The following IL1RAPL2 variants were observed in gnomAD, a reference collection of about 807,000 sequenced individuals.
IL1RAPL2 encodes the protein X-linked interleukin-1 receptor accessory protein-like 2.
In IL1RAPL2, 3 loss-of-function variants were observed where a neutral mutation model predicts 44.1. The observed-to-expected ratio is 0.07, with a 90% confidence interval of 0.03 to 0.18. The LOEUF (loss-of-function observed/expected upper bound fraction) is 0.18, where lower values mean the gene tolerates loss of function less well. IL1RAPL2 is among the 10% of genes least tolerant of loss of function. The pLI, the probability that IL1RAPL2 is intolerant of heterozygous loss-of-function variation, is 1.00. For missense variants in IL1RAPL2, 391 were observed against 496.4 expected, an observed-to-expected ratio of 0.79 and a Z score of 2.02; for synonymous variants, 181 against 178.8, an observed-to-expected ratio of 1.01 and a Z score of -0.10.
intron 2 of IL1RAPL2, among the ~76,000 whole-genome samples, chrX:104,918,163 C>T (rs369746854): frequency 8.9e-6 from 1 of 112,159 alleles, no homozygotes; most frequent in East Asian, 2.8e-4. Flanking sequence ...CTAACACATG[C>T]TAACTCTGTC....
intron 1 of IL1RAPL2, among the ~76,000 whole-genome samples, chrX:104,575,325 C>CA (rs1486673053): frequency 9.0e-6 from 1 of 111,055 alleles, no homozygotes; most frequent in Non-Finnish European, 1.9e-5. Flanking sequence ...TATATTAGCT[C>CA]AAAAATATAA....
At chrX:105,499,595 A>G (rs1368618981) in intron 6 of IL1RAPL2, among the ~76,000 whole-genome samples, 1 of 112,375 alleles carries the variant, frequency 8.9e-6, no homozygotes, top group African/African-American at 3.2e-5. Context: ...CTTTGCATAG[A>G]CATTTCTCAA....
At chrX:104,637,269 G>T (rs182580086) in intron 1 of IL1RAPL2, among the ~76,000 whole-genome samples, 44 of 110,795 alleles carry the variant, frequency 4.0e-4, no homozygotes, top group African/African-American at 1.3e-3. Context: ...CAGAAAAGAG[G>T]GACTATTTGA....
At chrX:105,387,906 T>A (rs1307645953) in intron 5 of IL1RAPL2, among the ~76,000 whole-genome samples, 1 of 107,959 alleles carries the variant, frequency 9.3e-6, no homozygotes, top group Non-Finnish European at 1.9e-5. Flanking sequence ...CCCAGCACTT[T>A]GGGAGACCGA....
At chrX:104,868,082 A>G (rs887631996) in intron 2 of IL1RAPL2, among the ~76,000 whole-genome samples, 3 of 111,553 alleles carry the variant, frequency 2.7e-5, no homozygotes. Flanking sequence ...GAAAATAGAC[A>G]AGCTCAGAGG....
At chrX:104,831,457 A>G (rs988281695) in intron 2 of IL1RAPL2, among the ~76,000 whole-genome samples, 1 of 111,707 alleles carries the variant, frequency 9.0e-6, no homozygotes, top group African/African-American at 3.2e-5. Context: ...TTACAGATAA[A>G]GAAACTAAAG....
intron 5 of IL1RAPL2, among the ~76,000 whole-genome samples, chrX:105,268,174 A>T (rs760971454): frequency 1.7e-4 from 19 of 111,721 alleles, no homozygotes; most frequent in Non-Finnish European, 3.6e-4. Context: ...TACCAAAAAG[A>T]TATCCCTTAC....
intron 2 of IL1RAPL2, among the ~76,000 whole-genome samples, chrX:104,996,194 T>C (rs1366799768): frequency 4.5e-5 from 5 of 111,727 alleles, no homozygotes; most frequent in Non-Finnish European, 9.4e-5. Flanking sequence ...CCAGTGTGAG[T>C]CAGTTCATCT....
chrX:104,905,715 T>C (rs1333538407), intron 2 of IL1RAPL2, among the ~76,000 whole-genome samples: 4 of 111,420 alleles, frequency 3.6e-5, no homozygotes, highest in African/African-American at 1.3e-4. Flanking sequence ...AGCCTTGTAG[T>C]ATAGTTTGAA....
rs757049497 is a variant in IL1RAPL2 at position 105,451,136 on chromosome X, A to G, written c.698-33177A>G. On this transcript the variant is annotated intron_variant, in intron 5 of 10. Transcript: ENST00000372582. ...TGAAAAACTCTGATATTTTCTATGGATATCTTCTCTCTCAGAACTTCTAGA... is the reference window on the plus strand; with the variant it reads ...TGAAAAACTCTGATATTTTCTATGGGTATCTTCTCTCTCAGAACTTCTAGA... Among the ~76,000 whole-genome samples, 6 of 111,370 alleles carry G rather than the reference A, an allele frequency of 5.4e-5. No homozygotes were observed. The Admixed American group carries it at 5.7e-4, about 11-fold the overall frequency.
chrX:105,040,319 G>C lies in IL1RAPL2; in HGVS notation c.83-155156G>C, dbSNP rs1169980333. Among the ~76,000 whole-genome samples the C allele has an allele frequency of 4.5e-5, 5 of 111,472 alleles. No individual in the cohort carries two copies. The East Asian group carries it at 1.1e-3, about 25-fold the overall frequency. ...TGAGGATTTTTGCATCAATGTTCAT[G>C]AAGGATATTGGTCTAAAATTCTCTT... On this transcript the variant is annotated intron_variant, in intron 2 of 10. Coordinates refer to ENST00000372582, the MANE Select transcript of IL1RAPL2 (RefSeq NM_017416.2).
intron 2 of IL1RAPL2, among the ~76,000 whole-genome samples, chrX:104,953,198 G>T (rs1285561131): frequency 8.9e-6 from 1 of 111,754 alleles, no homozygotes. Context: ...CAGAATTGAG[G>T]AAGTCTTAGC....
At chrX:105,279,427 A>G (rs1801794845) in intron 5 of IL1RAPL2, among the ~76,000 whole-genome samples, 2 of 111,802 alleles carry the variant, frequency 1.8e-5, no homozygotes, top group South Asian at 7.6e-4. Flanking sequence ...TATCTGCTGC[A>G]CACATTACTA....
At chrX:105,267,345 T>C in intron 4 of IL1RAPL2, 43 bp from the exon 5 acceptor site, 1 of 1,137,983 alleles carries the variant, frequency 8.8e-7, no homozygotes, top group Non-Finnish European at 1.2e-6. Flanking sequence ...ATGTAGTCTG[T>C]GAAATTCTAT....
At chrX:105,511,649 G>A (rs921594670) in intron 6 of IL1RAPL2, among the ~76,000 whole-genome samples, 4 of 111,484 alleles carry the variant, frequency 3.6e-5, no homozygotes, top group Admixed American at 9.6e-5. Flanking sequence ...AACTGGACCC[G>A]TGAACTTGGC....
At chrX:105,378,690 A>T (rs1669473697) in intron 5 of IL1RAPL2, among the ~76,000 whole-genome samples, 1 of 112,008 alleles carries the variant, frequency 8.9e-6, no homozygotes. Flanking sequence ...ACTGAAAAAC[A>T]TTTAGTGACG....
intron 2 of IL1RAPL2, among the ~76,000 whole-genome samples, chrX:105,074,467 G>C (rs765823106): frequency 7.4e-4 from 83 of 111,519 alleles, no homozygotes; most frequent in Non-Finnish European, 1.4e-3. Context: ...TTTGAAGTCA[G>C]GTAGCGTGAT....
intron 4 of IL1RAPL2, among the ~76,000 whole-genome samples, chrX:105,235,760 A>G (rs2034115047): frequency 8.9e-6 from 1 of 112,521 alleles, no homozygotes; most frequent in African/African-American, 3.2e-5. Context: ...TGTGCCATTC[A>G]TTGTAGCTAA....
chrX:105,036,620 AGAG>A (rs1459407075), intron 2 of IL1RAPL2, among the ~76,000 whole-genome samples: 1 of 112,437 alleles, frequency 8.9e-6, no homozygotes, highest in Admixed American at 9.4e-5. Flanking sequence ...TAAGGTTTTT[AGAG>A]AAGACTTGCT....
Sources: allele counts gnomAD v4.1 joint callset (sites outside exome capture counted in the v4.1 genomes callset), GRCh38; gene constraint gnomAD v4.1.1; transcripts MANE v1.5; gene names NCBI Gene and HGNC (gene_info 2026-07-23, HGNC 2026-07-21).